Variants in ZC3HC1 observed in about 807,000 individuals in gnomAD.
The protein encoded by ZC3HC1 is zinc finger C3HC-type protein 1.
ZC3HC1 carries 38 observed loss-of-function variants against 61.9 expected under a neutral mutation model. The ratio of observed to expected loss-of-function variants is 0.61; its 90% confidence interval spans 0.47 to 0.81. The LOEUF (loss-of-function observed/expected upper bound fraction) is 0.81, where lower values mean the gene tolerates loss of function less well. ZC3HC1 is among the 30% of genes least tolerant of loss of function. ZC3HC1 has a pLI of 0.00. For missense variants in ZC3HC1, 554 were observed against 622.7 expected (o/e 0.89, Z 1.17); for synonymous variants, 213 against 229.9 (o/e 0.93, Z 0.67).
intron 2 of ZC3HC1, among the ~76,000 whole-genome samples, chr7:130,042,097 G>A (rs1375450339): frequency 6.6e-6 from 1 of 152,038 alleles, no homozygotes. Flanking sequence ...GAGCTCAGGA[G>A]TTGAAGATCA....
Position 130,018,561 on chromosome 7 carries a change from G to T in ZC3HC1, c.*103C>A. On this transcript the variant is annotated 3_prime_UTR_variant, in exon 10 of 10. Coordinates refer to ENST00000358303, the MANE Select transcript of ZC3HC1 (RefSeq NM_016478.5). The stretch of plus-strand genomic sequence containing the variant: ...CAGGGGGCTCCTTATGATTAACCCA[G>T]AACAGGAAAAACTTAGTGTCAGCTG... 9.9e-7 allele frequency: 1 copy of T among 1,005,658 alleles called. No homozygotes were observed. Among genetic ancestry groups the T allele is most frequent in the South Asian group, 1.5e-5 (1 of 64,528 alleles). The allele number at this position is 1,005,658 out of a possible 1,614,324, so 62.3% of individuals were successfully genotyped here.
chr7:130,031,978 C>A (rs772195438), intron 4 of ZC3HC1, among the ~76,000 whole-genome samples: 10 of 152,204 alleles, frequency 6.6e-5, no homozygotes. Context: ...GTAATCCCAA[C>A]ACTTTGGGAG....
At chr7:130,050,723 A>C (rs1376616556) in intron 1 of ZC3HC1, among the ~76,000 whole-genome samples, 1 of 152,234 alleles carries the variant, frequency 6.6e-6, no homozygotes, top group Admixed American at 6.5e-5. Context: ...ATTATGGTTG[A>C]CAACACATAC....
chr7:130,027,841 C>T (rs951149466), intron 5 of ZC3HC1, among the ~76,000 whole-genome samples: 1 of 151,544 alleles, frequency 6.6e-6, no homozygotes, highest in Admixed American at 6.6e-5. Flanking sequence ...TTAAACATTT[C>T]TACTCACAAG....
chr7:130,022,916 A>AC (rs980004477), intron 8 of ZC3HC1: 1 of 279,516 alleles, frequency 3.6e-6, no homozygotes, highest in Non-Finnish European at 6.9e-6. Context: ...AGGAGCAGGA[A>AC]CCCTACTGTG....
intron 4 of ZC3HC1, among the ~76,000 whole-genome samples, chr7:130,032,283 T>C (rs1386524723): frequency 6.6e-6 from 1 of 151,630 alleles, no homozygotes. Flanking sequence ...TTTGCTCTCA[T>C]AGAAGATTTT....
At chr7:130,034,175 CTT>C (rs769356635) in intron 4 of ZC3HC1, among the ~76,000 whole-genome samples, 55 of 139,746 alleles carry the variant, frequency 3.9e-4, no homozygotes, top group East Asian at 2.0e-3. Context: ...CTTTCATTTC[CTT>C]TTTTTTTTTT....
At chr7:130,046,793 A>G (rs1030578562) in intron 2 of ZC3HC1, among the ~76,000 whole-genome samples, 5 of 152,094 alleles carry the variant, frequency 3.3e-5, no homozygotes, top group Admixed American at 6.6e-5. Flanking sequence ...ATATTCCAGT[A>G]TAAGTTTTTT....
At chr7:130,039,857 C>T (rs73479698) in intron 3 of ZC3HC1, among the ~76,000 whole-genome samples, 4,448 of 151,688 alleles carry the variant, frequency 0.029, 208 homozygotes, top group African/African-American at 0.1. Flanking sequence ...CAGGCCCAAG[C>T]GATGCTCCTG....
intron 1 of ZC3HC1, among the ~76,000 whole-genome samples, chr7:130,050,701 CACT>C (rs1279818130): frequency 1.3e-5 from 2 of 152,176 alleles, no homozygotes; most frequent in Non-Finnish European, 2.9e-5. Flanking sequence ...TTGTGCTCAT[CACT>C]ACTTCAAAAT....
At chr7:130,021,679 G>C (rs1793647012) in intron 9 of ZC3HC1, among the ~76,000 whole-genome samples, 1 of 152,214 alleles carries the variant, frequency 6.6e-6, no homozygotes, top group African/African-American at 2.4e-5. Context: ...GCAAATGAAA[G>C]AAAAAGCAGC....
intron 4 of ZC3HC1, among the ~76,000 whole-genome samples, chr7:130,031,078 C>T (rs1225746964): frequency 1.3e-5 from 2 of 151,672 alleles, no homozygotes; most frequent in Non-Finnish European, 2.9e-5. Flanking sequence ...ACCTGTAATC[C>T]TAGCACTTTG....
At chr7:130,048,525 G>A (rs1337898062) in intron 2 of ZC3HC1, among the ~76,000 whole-genome samples, 2 of 151,934 alleles carry the variant, frequency 1.3e-5, no homozygotes, top group Non-Finnish European at 2.9e-5. Context: ...CTAAGTTTTG[G>A]GGCAATTTGC....
At chr7:130,051,393 C>T (rs199541050), upstream of ZC3HC1, 3 of 1,612,452 alleles carry the variant, frequency 1.9e-6, no homozygotes, top group East Asian at 2.2e-5. Context: ...GTTGCTTCCC[C>T]GAGAGTTTGA....
chr7:130,026,796 C>G (rs1461136969), intron 5 of ZC3HC1: 1 of 151,822 alleles, frequency 6.6e-6, no homozygotes, highest in Non-Finnish European at 1.5e-5. Context: ...GGTGAAACCC[C>G]GTCTCTACTA....
chr7:130,034,142 G>A (rs1019097878), intron 4 of ZC3HC1, among the ~76,000 whole-genome samples: 2 of 150,116 alleles, frequency 1.3e-5, no homozygotes, highest in East Asian at 1.9e-4. Flanking sequence ...ATTTAATGCC[G>A]CATATTATTC....
chr7:130,043,744 T>G (rs1232106796), intron 2 of ZC3HC1: 2 of 407,582 alleles, frequency 4.9e-6, no homozygotes, highest in African/African-American at 2.1e-5. Context: ...CAAAGTGGTA[T>G]GTAACAGGCA....
intron 4 of ZC3HC1, among the ~76,000 whole-genome samples, chr7:130,039,061 G>A (rs938684954): frequency 1.3e-5 from 2 of 151,920 alleles, no homozygotes; most frequent in African/African-American, 4.8e-5. Context: ...AAAAGAGGCC[G>A]GGCACAGTGG....
At chr7:130,045,826 G>C (rs1794840668) in intron 2 of ZC3HC1, among the ~76,000 whole-genome samples, 1 of 150,110 alleles carries the variant, frequency 6.7e-6, no homozygotes, top group African/African-American at 2.5e-5. Context: ...GGGAGGCAGA[G>C]GTTGCAGTAA....
Sources: gnomAD v4.1 joint callset for allele counts (sites outside exome capture counted in the v4.1 genomes callset) on GRCh38, gnomAD v4.1.1 for gene constraint, MANE v1.5 for transcripts, NCBI Gene and HGNC (gene_info 2026-07-23, HGNC 2026-07-21) for gene names.